COPS8: variants seen among roughly 807,000 people sequenced by gnomAD.
COPS8 encodes the protein COP9 signalosome complex subunit 8.
COPS8 carries 11 observed loss-of-function variants against 31.5 expected under a neutral mutation model. That is an observed-to-expected ratio of 0.35 (90% CI 0.22 to 0.58). The LOEUF is 0.58. COPS8 is among the 20% of genes least tolerant of loss of function. The probability of loss-of-function intolerance (pLI) is 0.83; values close to 1 mark genes in which losing one functional copy is unlikely to be tolerated. For missense variants in COPS8, 215 were observed against 255.1 expected (o/e 0.84, Z 1.07); for synonymous variants, 81 against 89.3 (o/e 0.91, Z 0.52).
chr2:237,087,575 T>C (rs1696642114), intron 2 of COPS8: 3 of 249,076 alleles, frequency 1.2e-5, no homozygotes. Flanking sequence ...TATGAGATTT[T>C]TTAAGTTTTT....
In COPS8 at chr2:237,087,117, G is replaced by T. The variant is rs1261814606; in HGVS notation, c.79-10G>T. ...GTTGTTTTGTTTTGTTTTCATTTTT[G>T]GCCTTCTAGGCCCCTGGAGGAATTG... is the stretch of plus-strand genomic sequence containing the variant. On this transcript the variant is annotated splice_polypyrimidine_tract_variant and intron_variant, in intron 1 of 7. Transcript: ENST00000354371. 2 of 1,547,840 alleles carry T rather than the reference G, an allele frequency of 1.3e-6. No homozygotes were observed. The highest frequency in any genetic ancestry group is 1.7e-6 in the Non-Finnish European group (2 of 1,143,266).
In COPS8 at chr2:237,099,376, C is replaced by T. The variant is rs974237824; in HGVS notation, c.*1634C>T. ...GGAAGGAGAGGACAGTGAACTACTA[C>T]ATAGAGAAAAAATAATCTCAAGTGA... On this transcript the variant is annotated 3_prime_UTR_variant, in exon 8 of 8. Transcript: ENST00000354371. 4 of 151,916 alleles carry T rather than the reference C, an allele frequency of 2.6e-5. No individual in the cohort carries two copies. The highest frequency in any genetic ancestry group is 1.3e-4 in the Admixed American group (2 of 15,256). The allele number at this position is 151,916 out of a possible 1,614,324, so 9.4% of individuals were successfully genotyped here.
Position 237,087,208 on chromosome 2 carries a change from T to G in COPS8, c.149+11T>G, listed in dbSNP as rs1696633432. 6.3e-7 allele frequency: 1 copy of G among 1,589,724 alleles called. No individual in the cohort carries two copies. Among genetic ancestry groups the G allele is most frequent in the South Asian group, 1.1e-5 (1 of 87,192 alleles). ...GCTCCATAATGACATGTAAGTATGT[T>G]TAACCTAAAGCTAAGAGCAACAGGT... On this transcript the variant is annotated intron_variant, in intron 2 of 7. Coordinates refer to ENST00000354371, the MANE Select transcript of COPS8 (RefSeq NM_006710.5).
chr2:237,088,618 T>C lies in COPS8; in HGVS notation c.163T>C (p.Tyr55His). 6.3e-7 allele frequency: 1 copy of C among 1,594,004 alleles called. No individual in the cohort carries two copies. The highest frequency in any genetic ancestry group is 8.6e-7 in the Non-Finnish European group (1 of 1,165,314). ...GGCGTAAATTAGGAATAATGCAAGA[T>C]ATCTTTGGAAAAGAATACCACCTGC... ...LLHNDMNNAR[Y>H]LWKRIPPAIK... Residue 55 changes from tyrosine to histidine, a missense_variant, in exon 3 of 8, where the codon TAT (tyrosine) becomes CAT (histidine). Coordinates refer to ENST00000354371, the MANE Select transcript of COPS8 (RefSeq NM_006710.5).
Position 237,094,197 on chromosome 2 carries a change from G to A in COPS8, c.439G>A (p.Gly147Ser). Residue 147 changes from glycine to serine, a missense_variant and splice_region_variant, in exon 5 of 8, where the codon GGC (glycine) becomes AGC (serine). Gly to Ser is a moderately conservative substitution (Grantham distance 56). Coordinates refer to ENST00000354371, the MANE Select transcript of COPS8 (RefSeq NM_006710.5). Reference sequence around the variant, plus strand: ...ACTTCCTGTAGAAGAGGCTGTGAAAGGTAATTTTGGCTTACTTTTTACTTA... The same window carrying A: ...ACTTCCTGTAGAAGAGGCTGTGAAAAGTAATTTTGGCTTACTTTTTACTTA... ...VGLPVEEAVKGILEQGWQADS... is the reference protein window; with the variant it reads ...VGLPVEEAVKSILEQGWQADS... 6.2e-7 allele frequency: 1 copy of A among 1,612,554 alleles called. No individual in the cohort carries two copies.
intron 2 of COPS8, 103 bp from the exon 3 acceptor site, chr2:237,088,502 A>G (rs1472697746): frequency 1.5e-6 from 1 of 672,482 alleles, no homozygotes; most frequent in South Asian, 2.4e-5. Context: ...TGTTATGTGA[A>G]GTATACTTCT....
intron 1 of COPS8, 113 bp downstream of exon 1, chr2:237,086,155 G>A (rs1696607452): frequency 2.0e-6 from 2 of 1,024,926 alleles, no homozygotes; most frequent in Non-Finnish European, 3.0e-6. Flanking sequence ...AGCTCACGGG[G>A]CGGGCGTGGG....
intron 4 of COPS8, chr2:237,093,759 A>T (rs1559300002): frequency 1.0e-6 from 1 of 999,048 alleles, no homozygotes; most frequent in African/African-American, 1.7e-5. Flanking sequence ...ATGAAATAAG[A>T]TAAGTAAAAT....
At position 237,097,798 on chromosome 2, in the gene COPS8, G is replaced by GA. The variant is rs113894583; in HGVS notation, c.*59dup. 1,607 of 1,302,478 alleles carry GA rather than the reference G, an allele frequency of 1.2e-3. 17 individuals are homozygous for GA. The African/African-American group carries it at 0.019, about 15-fold the overall frequency. 80.7% of individuals were successfully genotyped at this position (1,302,478 alleles called of 1,614,324 possible). A position where few individuals can be genotyped will look rare whatever the true frequency, so the allele number is the denominator to read the frequency against. ...AGAATCCTGTATACTGACAAACGTA[G>GA]AAATGTAAAGTTTGTATTTTCAATT... On this transcript the variant is annotated 3_prime_UTR_variant, in exon 8 of 8. Transcript: ENST00000354371.
intron 2 of COPS8, 27 bp from the exon 3 acceptor site, chr2:237,088,578 A>T (rs779023176): frequency 6.5e-7 from 1 of 1,537,410 alleles, no homozygotes; most frequent in South Asian, 1.2e-5. Context: ...TTAATTGATT[A>T]TTCTTCTTTG....
At chr2:237,093,207 G>A (rs1559299892) in intron 4 of COPS8, among the ~76,000 whole-genome samples, 1 of 152,188 alleles carries the variant, frequency 6.6e-6, no homozygotes, top group Non-Finnish European at 1.5e-5. Context: ...CAGTGGACTC[G>A]TTTGGCACAA....
At chr2:237,087,076 G>A in intron 1 of COPS8, 51 bp from the exon 2 acceptor site, 1 of 1,263,072 alleles carries the variant, frequency 7.9e-7, no homozygotes, top group Non-Finnish European at 1.1e-6. Context: ...GGTAAATGAG[G>A]TTTTTAAAAT....
Position 237,085,947 on chromosome 2 carries a change from G to C in COPS8, c.-18G>C. ...GTTTGGCTGTCCGGACGGTGCAGCG[G>C]CGAGGCCGGCCGCGAAGATGCCAGT... On this transcript the variant is annotated 5_prime_UTR_variant, in exon 1 of 8. Coordinates refer to ENST00000354371, the MANE Select transcript of COPS8 (RefSeq NM_006710.5). 6.2e-7 allele frequency: 1 copy of C among 1,610,312 alleles called. No individual in the cohort carries two copies. The highest frequency in any genetic ancestry group is 1.1e-5 in the South Asian group (1 of 90,446).
At chr2:237,093,773 T>C in intron 4 of COPS8, 3 of 1,009,380 alleles carry the variant, frequency 3.0e-6, no homozygotes, top group Non-Finnish European at 3.5e-6. Context: ...GTAAAATTTA[T>C]ATCCCCATTG....
chr2:237,097,235 T>C (rs1559301212), intron 7 of COPS8, among the ~76,000 whole-genome samples: 1 of 151,092 alleles, frequency 6.6e-6, no homozygotes, highest in Non-Finnish European at 1.5e-5. Flanking sequence ...TTTTTTTTTT[T>C]TTTTTTTTTG....
At chr2:237,090,528 T>C (rs1281498159) in intron 4 of COPS8, among the ~76,000 whole-genome samples, 7 of 152,246 alleles carry the variant, frequency 4.6e-5, no homozygotes, top group Non-Finnish European at 1.0e-4. Context: ...AGCATTTGCT[T>C]CCAGTCCTCC....
At chr2:237,091,891 A>G (rs1004507014) in intron 4 of COPS8, among the ~76,000 whole-genome samples, 1 of 152,218 alleles carries the variant, frequency 6.6e-6, no homozygotes, top group African/African-American at 2.4e-5. Context: ...CTTCCTTCCC[A>G]GCCTCTGACC....
chr2:237,086,594 T>C (rs993237733), intron 1 of COPS8: 4 of 156,088 alleles, frequency 2.6e-5, no homozygotes, highest in Middle Eastern at 3.4e-3. Context: ...TTTATATCAT[T>C]AGTTTTAAAA....
intron 4 of COPS8, chr2:237,093,651 T>C: frequency 1.0e-6 from 1 of 980,364 alleles, no homozygotes; most frequent in Non-Finnish European, 1.2e-6. Context: ...AGATTTGTTC[T>C]GTAACTCCCA....
Sources: allele counts gnomAD v4.1 joint callset (sites outside exome capture counted in the v4.1 genomes callset), GRCh38; gene constraint gnomAD v4.1.1; transcripts MANE v1.5; gene names NCBI Gene and HGNC (gene_info 2026-07-23, HGNC 2026-07-21).